Variants in DNAAF9 observed in about 807,000 individuals in gnomAD.
DNAAF9 encodes shulin.
A neutral mutation model predicts 167.0 loss-of-function variants in DNAAF9; 90 were observed. The ratio of observed to expected loss-of-function variants is 0.54; its 90% confidence interval spans 0.45 to 0.64. The LOEUF is 0.64. Ranked by LOEUF, DNAAF9 falls within the 30% of genes least tolerant of loss-of-function variation. The pLI, the probability that DNAAF9 is intolerant of heterozygous loss-of-function variation, is 0.00. For synonymous variants in DNAAF9, 491 were observed against 508.8 expected, an observed-to-expected ratio of 0.96 and a Z score of 0.47; for missense variants, 1,315 against 1,442.2, an observed-to-expected ratio of 0.91 and a Z score of 1.43.
At chr20:3,396,222 G>A (rs1036737921) in intron 1 of DNAAF9, among the ~76,000 whole-genome samples, 3 of 152,184 alleles carry the variant, frequency 2.0e-5, no homozygotes, top group Admixed American at 2.0e-4. Context: ...TACAGAGTCC[G>A]TTACATTTTT....
intron 25 of DNAAF9, 81 bp downstream of exon 25, chr20:3,294,058 T>C: frequency 1.2e-6 from 1 of 804,712 alleles, no homozygotes; most frequent in Non-Finnish European, 2.2e-6. Context: ...TTCTTTTTGT[T>C]AACTGACACA....
At chr20:3,257,325 A>C (rs1310646419) in intron 33 of DNAAF9, among the ~76,000 whole-genome samples, 3 of 151,924 alleles carry the variant, frequency 2.0e-5, no homozygotes, top group Non-Finnish European at 4.4e-5. Flanking sequence ...AGCCTGGGCA[A>C]CATAGGGAGA....
intron 6 of DNAAF9, chr20:3,362,307 G>T: frequency 1.0e-6 from 1 of 952,750 alleles, no homozygotes; most frequent in Non-Finnish European, 1.6e-6. Context: ...TTACTACTGA[G>T]CCTGTGGTGG....
intron 1 of DNAAF9, among the ~76,000 whole-genome samples, chr20:3,395,394 C>T (rs562464080): frequency 2.2e-4 from 34 of 152,206 alleles, no homozygotes; most frequent in African/African-American, 8.2e-4. Context: ...AATTCTCATG[C>T]CTCAGCTTCC....
In DNAAF9 at chr20:3,371,978, C is replaced by T. The variant is rs60246962; in HGVS notation, c.612+2070G>A. Among the ~76,000 whole-genome samples the T allele has an allele frequency of 1.3e-4, 20 of 152,240 alleles. 1 individual carries two copies. In the East Asian group the frequency reaches 3.9e-3, roughly 29 times the overall value. ...CCCAGGAAGAAAAAATTATCTATAT[C>T]GATGACTCAGTTTGGCCCAGCATAA... is the stretch of plus-strand genomic sequence containing the variant. On this transcript the variant is annotated intron_variant, in intron 6 of 36. Coordinates refer to ENST00000252032, the MANE Select transcript of DNAAF9 (RefSeq NM_001009984.3).
Position 3,254,753 on chromosome 20 carries a change from C to T in DNAAF9, c.3327+466G>A, listed in dbSNP as rs1265637478. Among the ~76,000 whole-genome samples the T allele has an allele frequency of 5.3e-5, 8 of 152,294 alleles. No individual in the cohort carries two copies. In the East Asian group the frequency reaches 1.2e-3, roughly 22 times the overall value. ...CAGGAAAAGGCCCCAGTGAGCATGG[C>T]GACTGAAGCAGAGGCTGGGGGTCAG... On this transcript the variant is annotated intron_variant, in intron 35 of 36. Transcript: ENST00000252032.
chr20:3,294,502 C>T, intron 24 of DNAAF9, 26 bp downstream of exon 24: 1 of 1,460,610 alleles, frequency 6.8e-7, no homozygotes, highest in Non-Finnish European at 9.6e-7. Flanking sequence ...GAATATTAAA[C>T]ATCTATAAAC....
At chr20:3,377,353 G>A (rs888031770) in intron 3 of DNAAF9, among the ~76,000 whole-genome samples, 1 of 152,188 alleles carries the variant, frequency 6.6e-6, no homozygotes, top group African/African-American at 2.4e-5. Flanking sequence ...ATATGTCAAA[G>A]GAGTATATTT....
intron 20 of DNAAF9, among the ~76,000 whole-genome samples, chr20:3,307,580 T>C (rs1454164992): frequency 6.6e-6 from 1 of 152,012 alleles, no homozygotes; most frequent in African/African-American, 2.4e-5. Flanking sequence ...CCCTGACTCT[T>C]TGTGCCATCC....
chr20:3,364,471 T>A (rs192476042), intron 6 of DNAAF9, among the ~76,000 whole-genome samples: 55 of 152,284 alleles, frequency 3.6e-4, no homozygotes, highest in African/African-American at 1.3e-3. Flanking sequence ...CTAGGGTTGA[T>A]TTTTCCCTGC....
At chr20:3,361,895 C>G (rs1696935341) in intron 6 of DNAAF9, 1 of 1,492,832 alleles carries the variant, frequency 6.7e-7, no homozygotes, top group African/African-American at 1.4e-5. Flanking sequence ...TGCTCTAACA[C>G]TGTCCTTCAG....
chr20:3,360,612 G>A lies in DNAAF9; in HGVS notation c.613-1019C>T, dbSNP rs533023069. Among the ~76,000 whole-genome samples the A allele has an allele frequency of 2.1e-4, 32 of 152,162 alleles. 1 individual carries two copies. Among genetic ancestry groups the A allele is most frequent in the Admixed American group, 1.8e-3 (28 of 15,284 alleles). ...CCAGGAGGTCAAGCCAACCAATTTC[G>A]GGGATCTGCTGTGCACACCGGGTTC... On this transcript the variant is annotated intron_variant, in intron 6 of 36. Coordinates refer to ENST00000252032, the MANE Select transcript of DNAAF9 (RefSeq NM_001009984.3).
chr20:3,254,375 G>A (rs865848461), intron 35 of DNAAF9, among the ~76,000 whole-genome samples: 1 of 152,084 alleles, frequency 6.6e-6, no homozygotes, highest in Non-Finnish European at 1.5e-5. Context: ...CACCATGCCC[G>A]GCCACAAACA....
intron 20 of DNAAF9, chr20:3,307,163 T>G (rs2122999966): frequency 1.0e-6 from 1 of 984,726 alleles, no homozygotes; most frequent in Non-Finnish European, 1.2e-6. Context: ...ATCTCCAGCA[T>G]TTCCTCTCCC....
intron 33 of DNAAF9, among the ~76,000 whole-genome samples, chr20:3,258,172 G>T (rs190180257): frequency 5.9e-5 from 9 of 151,518 alleles, no homozygotes; most frequent in African/African-American, 2.2e-4. Flanking sequence ...AGCCAAAAAA[G>T]AAATAAAAAA....
At chr20:3,320,604 T>C (rs2069597384) in intron 16 of DNAAF9, among the ~76,000 whole-genome samples, 1 of 152,192 alleles carries the variant, frequency 6.6e-6, no homozygotes, top group Non-Finnish European at 1.5e-5. Flanking sequence ...AATGTTTTAA[T>C]GATATCACAA....
chr20:3,399,769 C>G (rs1047460489), intron 1 of DNAAF9, among the ~76,000 whole-genome samples: 2 of 152,320 alleles, frequency 1.3e-5, no homozygotes, highest in Admixed American at 1.3e-4. Flanking sequence ...TGCTAAAAGA[C>G]AGCAGAACAC....
intron 1 of DNAAF9, among the ~76,000 whole-genome samples, chr20:3,391,505 G>A (rs1292946772): frequency 6.6e-6 from 1 of 150,812 alleles, no homozygotes; most frequent in Non-Finnish European, 1.5e-5. Flanking sequence ...AAAACCTAAA[G>A]TCATCATTGA....
intron 9 of DNAAF9, among the ~76,000 whole-genome samples, chr20:3,341,287 G>C (rs1213586067): frequency 6.6e-6 from 1 of 152,040 alleles, no homozygotes; most frequent in East Asian, 1.9e-4. Flanking sequence ...AAATCCAACA[G>C]ATAGTCTTCA....
Sources: gnomAD v4.1 joint callset for allele counts (sites outside exome capture counted in the v4.1 genomes callset) on GRCh38, gnomAD v4.1.1 for gene constraint, MANE v1.5 for transcripts, NCBI Gene and HGNC (gene_info 2026-07-23, HGNC 2026-07-21) for gene names.